TBC1D8B: variants seen among roughly 807,000 people sequenced by gnomAD.
TBC1D8B encodes the protein RP11-321G1.1.
TBC1D8B carries 75 observed loss-of-function variants against 82.9 expected under a neutral mutation model. The observed-to-expected ratio is 0.90, with a 90% CI of 0.75 to 1.10. The LOEUF is 1.10. Ranked by LOEUF, TBC1D8B falls within the 50% of genes least tolerant of loss-of-function variation. TBC1D8B has a pLI of 0.00. For missense variants in TBC1D8B, 794 were observed against 796.9 expected (o/e 1.00, Z 0.04); for synonymous variants, 276 against 276.8 (o/e 1.00, Z 0.03).
At chrX:106,836,178 G>C (rs1932170339) in intron 7 of TBC1D8B, among the ~76,000 whole-genome samples, 1 of 111,949 alleles carries the variant, frequency 8.9e-6, no homozygotes, top group African/African-American at 3.2e-5. Flanking sequence ...TACTATCATG[G>C]CAGAAGGCAC....
chrX:106,862,781 T>G (rs1207743076), intron 14 of TBC1D8B, among the ~76,000 whole-genome samples: 15 of 93,725 alleles, frequency 1.6e-4, no homozygotes, highest in East Asian at 3.3e-4. Flanking sequence ...TTTTTGTTTT[T>G]TTTTTTTTTT....
At chrX:106,849,813 A>G in intron 11 of TBC1D8B, 1 of 994,299 alleles carries the variant, frequency 1.0e-6, no homozygotes, top group South Asian at 3.6e-5. Flanking sequence ...TAAAGACTCA[A>G]TAAATAACTC....
At chrX:106,823,088 A>G (rs1164205893) in intron 4 of TBC1D8B, 138 bp from the exon 5 acceptor site, 3 of 625,278 alleles carry the variant, frequency 4.8e-6, no homozygotes, top group Non-Finnish European at 7.0e-6. Context: ...TCAAATTTTT[A>G]ACTAATCTTG....
At chrX:106,821,452 A>G (rs780005335) in intron 3 of TBC1D8B, among the ~76,000 whole-genome samples, 1 of 110,838 alleles carries the variant, frequency 9.0e-6, no homozygotes, top group South Asian at 3.8e-4. Flanking sequence ...TGAGGCATTC[A>G]GAAAAAAACC....
chrX:106,836,566 T>A (rs1202690093), intron 7 of TBC1D8B, among the ~76,000 whole-genome samples: 4 of 108,569 alleles, frequency 3.7e-5, no homozygotes, highest in African/African-American at 7.1e-5. Context: ...GGGATGAACT[T>A]AAGTGAGTCT....
intron 7 of TBC1D8B, among the ~76,000 whole-genome samples, chrX:106,837,581 T>C (rs1385887262): frequency 9.0e-6 from 1 of 111,416 alleles, no homozygotes; most frequent in Non-Finnish European, 1.9e-5. Context: ...CTCTCATGTA[T>C]TGCTGTTGGG....
At position 106,853,849 on chromosome X, in the gene TBC1D8B, A is replaced by C. The variant is rs184113461; in HGVS notation, c.2253+199A>C. Among the ~76,000 whole-genome samples, 31 of 111,985 alleles carry C rather than the reference A, an allele frequency of 2.8e-4. No homozygotes were observed. In the East Asian group the frequency reaches 5.6e-3, roughly 20 times the overall value. On this transcript the variant is annotated intron_variant, in intron 13 of 20. Transcript: ENST00000357242. ...CTCTGCCTCAATTTGTTTTTCATTA[A>C]ATGAAATTAAATTCACTTGCTTTCA...
intron 7 of TBC1D8B, among the ~76,000 whole-genome samples, chrX:106,830,353 T>C (rs1322387175): frequency 5.4e-5 from 6 of 111,601 alleles, no homozygotes; most frequent in Admixed American, 1.9e-4. Flanking sequence ...GGTGGGACTG[T>C]AAACTAGTTC....
intron 7 of TBC1D8B, chrX:106,827,990 A>G (rs1300086004): frequency 9.0e-6 from 1 of 111,420 alleles, no homozygotes; most frequent in Non-Finnish European, 1.9e-5. Context: ...CAAAAAATTA[A>G]CGAATCCACA....
intron 14 of TBC1D8B, among the ~76,000 whole-genome samples, chrX:106,855,405 A>G: frequency 8.9e-6 from 1 of 112,566 alleles, no homozygotes; most frequent in South Asian, 3.7e-4. Context: ...ATAATTTGGC[A>G]TATATCCTTT....
At position 106,870,745 on chromosome X, in the gene TBC1D8B, C is replaced by G. The variant is rs766187450; in HGVS notation, c.2899C>G (p.Leu967Val). The G allele has an allele frequency of 8.3e-7, 1 of 1,203,481 alleles. No individual in the cohort carries two copies. The highest frequency in any genetic ancestry group is 1.8e-5 in the African/African-American group (1 of 56,894). The change falls in exon 20 of 21, where the codon CTA (leucine) becomes GTA (valine). Residue 967 changes from leucine (L) to valine (V), a missense_variant. By Grantham distance (32) the Leu-to-Val change is conservative (BLOSUM62 1). Transcript: ENST00000357242. ...GKGKIDIQAY[L>V]SQWQDELFKK... Reference sequence around the variant, plus strand: ...AGGGAAAATTGATATTCAAGCATATCTAAGTCAATGGCAAGATGAGCTTTT... The same window carrying G: ...AGGGAAAATTGATATTCAAGCATATGTAAGTCAATGGCAAGATGAGCTTTT...
At chrX:106,867,001 A>T (rs1932819523) in intron 17 of TBC1D8B, 139 bp downstream of exon 17, 1 of 403,812 alleles carries the variant, frequency 2.5e-6, no homozygotes, top group Non-Finnish European at 4.3e-6. Flanking sequence ...CTCAAATTAT[A>T]TTATGACTAC....
intron 1 of TBC1D8B, chrX:106,814,226 A>C (rs1216561881): frequency 9.0e-6 from 1 of 110,915 alleles, no homozygotes; most frequent in Non-Finnish European, 1.9e-5. Context: ...CATGGTGTAT[A>C]TGTGCCACAT....
chrX:106,827,457 A>G (rs370768858), intron 7 of TBC1D8B, 120 bp downstream of exon 7: 4 of 738,476 alleles, frequency 5.4e-6, no homozygotes, highest in Admixed American at 3.5e-5. Flanking sequence ...TTTTTTAAAG[A>G]TAGAATCTAA....
intron 5 of TBC1D8B, among the ~76,000 whole-genome samples, chrX:106,824,997 G>C (rs753846393): frequency 9.0e-6 from 1 of 111,284 alleles, no homozygotes; most frequent in Admixed American, 9.6e-5. Flanking sequence ...TGCAAAAATA[G>C]GTCTGGACAT....
At chrX:106,831,722 A>G (rs1443750652) in intron 7 of TBC1D8B, among the ~76,000 whole-genome samples, 2 of 112,002 alleles carry the variant, frequency 1.8e-5, no homozygotes, top group Admixed American at 9.5e-5. Context: ...AAATGAGTTT[A>G]CCATCTTTCC....
At chrX:106,851,290 C>T (rs1356531184) in intron 12 of TBC1D8B, among the ~76,000 whole-genome samples, 4 of 111,534 alleles carry the variant, frequency 3.6e-5, no homozygotes, top group Admixed American at 1.9e-4. Context: ...CTTGGGAGGC[C>T]GAGGCAGAAT....
Position 106,823,252 on chromosome X carries a change from G to C in TBC1D8B, c.613G>C (p.Val205Leu). 2.5e-6 allele frequency: 3 copies of C among 1,208,257 alleles called. No individual in the cohort carries two copies. Among genetic ancestry groups the C allele is most frequent in the Non-Finnish European group, 3.4e-6 (3 of 893,221 alleles). Residue 205 changes from valine (V) to leucine (L), a missense_variant, in exon 5 of 21, where the codon GTC becomes CTC. Coordinates refer to ENST00000357242, the MANE Select transcript of TBC1D8B (RefSeq NM_017752.3). ...AAAACTCATTATCTCCTGGGATGAA[G>C]TCTCAAAACTTGAAAAGACTTCAAA... ...EIKLIISWDE[V>L]SKLEKTSNVI...
intron 14 of TBC1D8B, among the ~76,000 whole-genome samples, chrX:106,864,653 C>T (rs948297730): frequency 4.6e-5 from 5 of 108,043 alleles, no homozygotes; most frequent in South Asian, 4.2e-4. Flanking sequence ...TGAGTAGCTG[C>T]GATTATAGGC....
Sources: allele counts gnomAD v4.1 joint callset (sites outside exome capture counted in the v4.1 genomes callset), GRCh38; gene constraint gnomAD v4.1.1; transcripts MANE v1.5; gene names NCBI Gene and HGNC (gene_info 2026-07-23, HGNC 2026-07-21).